EPHA6: variants seen among roughly 807,000 people sequenced by gnomAD.
EPHA6 encodes ephrin type-A receptor 6.
In EPHA6, 50 loss-of-function variants were observed where a neutral mutation model predicts 112.0. The ratio of observed to expected loss-of-function variants is 0.45; its 90% CI spans 0.36 to 0.56. The LOEUF is 0.56. EPHA6 is among the 20% of genes least tolerant of loss of function. The pLI is 0.00. For missense variants in EPHA6, 1,280 were observed against 1,417.4 expected, an observed-to-expected ratio of 0.90 and a Z score of 1.56; for synonymous variants, 529 against 490.7, an observed-to-expected ratio of 1.08 and a Z score of -1.03.
intron 3 of EPHA6, among the ~76,000 whole-genome samples, chr3:97,141,611 TAAC>T (rs1408636753): frequency 6.6e-6 from 1 of 151,668 alleles, no homozygotes; most frequent in Non-Finnish European, 1.5e-5. Context: ...TGAAATTAAA[TAAC>T]AAATCAAAAA....
intron 2 of EPHA6, among the ~76,000 whole-genome samples, chr3:96,899,535 T>C (rs1273015290): frequency 6.6e-6 from 1 of 152,230 alleles, no homozygotes; most frequent in East Asian, 1.9e-4. Flanking sequence ...ACTAATTCAA[T>C]ATGAAGTCAT....
intron 6 of EPHA6, among the ~76,000 whole-genome samples, chr3:97,410,749 A>G (rs1017768062): frequency 6.6e-6 from 1 of 152,036 alleles, no homozygotes; most frequent in African/African-American, 2.4e-5. Flanking sequence ...GCAAACTCCT[A>G]TGTGATTCCA....
intron 7 of EPHA6, among the ~76,000 whole-genome samples, chr3:97,464,850 C>A (rs920700474): frequency 1.3e-5 from 2 of 152,242 alleles, no homozygotes; most frequent in East Asian, 3.9e-4. Context: ...AAGTTTTGAT[C>A]AATTGCCTTT....
intron 2 of EPHA6, among the ~76,000 whole-genome samples, chr3:96,902,246 G>A (rs2038654370): frequency 6.6e-6 from 1 of 152,150 alleles, no homozygotes; most frequent in East Asian, 1.9e-4. Flanking sequence ...TTAAAGCAAT[G>A]TATCATCAGT....
chr3:97,336,000 T>C (rs1382262378), intron 5 of EPHA6, among the ~76,000 whole-genome samples: 2 of 152,234 alleles, frequency 1.3e-5, no homozygotes, highest in East Asian at 3.9e-4. Flanking sequence ...ACTGATCTAT[T>C]GAGTACAAAG....
At chr3:97,540,779 A>G (rs1482893339) in intron 11 of EPHA6, among the ~76,000 whole-genome samples, 1 of 152,220 alleles carries the variant, frequency 6.6e-6, no homozygotes, top group Non-Finnish European at 1.5e-5. Context: ...TTTCTTTTAT[A>G]CTGCTAAATA....
chr3:97,729,982 T>TAC (rs1288370856), intron 15 of EPHA6, among the ~76,000 whole-genome samples: 54 of 152,244 alleles, frequency 3.5e-4, no homozygotes, highest in African/African-American at 1.2e-3. Flanking sequence ...ATTTCAGCCC[T>TAC]TGTTAAATTT....
intron 3 of EPHA6, among the ~76,000 whole-genome samples, chr3:97,048,303 G>A (rs1248274051): frequency 6.6e-6 from 1 of 152,172 alleles, no homozygotes; most frequent in Admixed American, 6.5e-5. Flanking sequence ...GTAGGGTTTA[G>A]TAAACGGAGT....
At chr3:97,521,020 T>G (rs528621262) in intron 10 of EPHA6, among the ~76,000 whole-genome samples, 1 of 152,226 alleles carries the variant, frequency 6.6e-6, no homozygotes, top group South Asian at 2.1e-4. Flanking sequence ...TTCATTCAAT[T>G]ACTTTTTTAA....
At chr3:97,716,517 G>A (rs1273910987) in intron 14 of EPHA6, among the ~76,000 whole-genome samples, 2 of 121,156 alleles carry the variant, frequency 1.7e-5, no homozygotes, top group Non-Finnish European at 3.1e-5. Context: ...GCAGTGAGCC[G>A]AGATTGCGCC....
intron 11 of EPHA6, among the ~76,000 whole-genome samples, chr3:97,579,313 A>G (rs1195732035): frequency 6.6e-6 from 1 of 152,180 alleles, no homozygotes; most frequent in Non-Finnish European, 1.5e-5. Flanking sequence ...CCAGCCTTAT[A>G]CCCAGATTAC....
chr3:96,984,868 C>G (rs915755073), intron 2 of EPHA6, among the ~76,000 whole-genome samples: 5 of 152,206 alleles, frequency 3.3e-5, no homozygotes, highest in Non-Finnish European at 7.4e-5. Context: ...GATATAATCT[C>G]CTGGTGTGCC....
chr3:96,837,212 C>T (rs528117187), intron 1 of EPHA6, among the ~76,000 whole-genome samples: 1 of 152,168 alleles, frequency 6.6e-6, no homozygotes, highest in African/African-American at 2.4e-5. Flanking sequence ...AACTGAAAAG[C>T]TTAGATGTCA....
At chr3:97,337,355 C>T (rs1230925808) in intron 5 of EPHA6, among the ~76,000 whole-genome samples, 4 of 152,108 alleles carry the variant, frequency 2.6e-5, no homozygotes, top group Admixed American at 6.6e-5. Context: ...ATTAGTCCCA[C>T]GCACTCATTA....
intron 1 of EPHA6, among the ~76,000 whole-genome samples, chr3:96,848,568 T>G (rs1054045068): frequency 1.1e-4 from 16 of 152,044 alleles, no homozygotes; most frequent in African/African-American, 3.9e-4. Flanking sequence ...GAGGTTATAG[T>G]GGGCTGAGAT....
At chr3:97,099,553 T>C (rs1026874894) in intron 3 of EPHA6, among the ~76,000 whole-genome samples, 2 of 151,982 alleles carry the variant, frequency 1.3e-5, no homozygotes, top group African/African-American at 4.8e-5. Context: ...CCTTTTTTGG[T>C]TTGTGACTCA....
At chr3:97,214,038 T>TGTGTGTGTGA (rs1491420279) in intron 3 of EPHA6, among the ~76,000 whole-genome samples, 1,373 of 77,718 alleles carry the variant, frequency 0.018, 36 homozygotes, top group African/African-American at 0.045. Flanking sequence ...TGTGTGTGTG[T>TGTGTGTGTGA]GAGAGAGAGA....
chr3:97,331,726 C>T (rs1295986332), intron 5 of EPHA6, among the ~76,000 whole-genome samples: 7 of 152,208 alleles, frequency 4.6e-5, no homozygotes, highest in African/African-American at 1.7e-4. Flanking sequence ...AGACCAATAA[C>T]AGGATCTGAA....
intron 5 of EPHA6, among the ~76,000 whole-genome samples, chr3:97,389,077 C>T (rs1331030816): frequency 2.0e-5 from 3 of 152,244 alleles, no homozygotes; most frequent in Admixed American, 1.3e-4. Flanking sequence ...AGGGAACTAA[C>T]AGGCTACAAA....
Sources: gnomAD v4.1 joint callset for allele counts (sites outside exome capture counted in the v4.1 genomes callset) on GRCh38, gnomAD v4.1.1 for gene constraint, MANE v1.5 for transcripts, NCBI Gene and HGNC (gene_info 2026-07-23, HGNC 2026-07-21) for gene names.